ANK2: variants seen among roughly 807,000 people sequenced by gnomAD.
The protein encoded by ANK2 is ankyrin 2, also known as ankyrin-2.
A neutral mutation model predicts 360.5 loss-of-function variants in ANK2; 83 were observed. The ratio of observed to expected loss-of-function variants is 0.23; its 90% CI spans 0.19 to 0.28. The LOEUF (loss-of-function observed/expected upper bound fraction) is 0.28. Among genes scored for constraint, ANK2 ranks in the 10% least tolerant of loss-of-function variants. The pLI is 1.00. For missense variants in ANK2, 4,201 were observed against 4,795.7 expected (o/e 0.88, Z 3.66); for synonymous variants, 1,740 against 1,759.5 (o/e 0.99, Z 0.28).
In ANK2 at chr4:113,341,275, G is replaced by C. The variant is rs570414369; in HGVS notation, c.3894-413G>C. On this transcript the variant is annotated intron_variant, in intron 32 of 45. Coordinates refer to ENST00000357077, the MANE Select transcript of ANK2 (RefSeq NM_001148.6). ...AGGAAATGAAATGACAGCTAGGGAG[G>C]GGGGATCAAGGAAAATAGAAAACTA... Among the ~76,000 whole-genome samples the C allele has an allele frequency of 2.6e-5, 4 of 152,222 alleles. No homozygotes were observed. The South Asian group carries it at 8.3e-4, about 32-fold the overall frequency.
chr4:113,193,304 G>A (rs2098700119), intron 2 of ANK2, among the ~76,000 whole-genome samples: 1 of 152,186 alleles, frequency 6.6e-6, no homozygotes, highest in Non-Finnish European at 1.5e-5. Flanking sequence ...TCAGAAACCT[G>A]TGGAGACCAG....
chr4:112,887,876 A>G (rs1033627331), intron 1 of ANK2, among the ~76,000 whole-genome samples: 1 of 152,180 alleles, frequency 6.6e-6, no homozygotes, highest in African/African-American at 2.4e-5. Context: ...TTCTTGACAC[A>G]TAGTAAATAC....
At chr4:112,956,736 C>T (rs2095347063) in intron 2 of ANK2, among the ~76,000 whole-genome samples, 2 of 152,150 alleles carry the variant, frequency 1.3e-5, no homozygotes, top group Non-Finnish European at 1.5e-5. Flanking sequence ...AGTGAAACTT[C>T]GGATAAGGGA....
chr4:112,717,976 A>G, the ANK2 span, among the ~76,000 whole-genome samples: 3 of 152,236 alleles, frequency 2.0e-5, no homozygotes, highest in Non-Finnish European at 2.9e-5. Flanking sequence ...TGTTTTATGC[A>G]TGAATGCCTC....
intron 1 of ANK2, among the ~76,000 whole-genome samples, chr4:112,842,130 C>G (rs2062224648): frequency 6.6e-6 from 1 of 152,070 alleles, no homozygotes; most frequent in Non-Finnish European, 1.5e-5. Context: ...CTGCCTCAGC[C>G]TCCCCAGTAG....
At chr4:113,193,487 T>C (rs1197439159) in intron 2 of ANK2, among the ~76,000 whole-genome samples, 2 of 152,212 alleles carry the variant, frequency 1.3e-5, no homozygotes, top group African/African-American at 4.8e-5. Context: ...ATAAAAGATA[T>C]ATGGGCGTAA....
At chr4:113,337,233 A>G (rs2093658238) in intron 31 of ANK2, among the ~76,000 whole-genome samples, 2 of 152,224 alleles carry the variant, frequency 1.3e-5, no homozygotes, top group South Asian at 4.1e-4. Flanking sequence ...AATAGTTCAA[A>G]CCAAACTGTT....
At chr4:113,140,467 C>A (rs201195097) in intron 1 of ANK2, among the ~76,000 whole-genome samples, 83 of 152,172 alleles carry the variant, frequency 5.5e-4, no homozygotes, top group Non-Finnish European at 3.5e-4. Flanking sequence ...CTAAATATCA[C>A]GTTAGGATAG....
At chr4:113,038,249 G>A (rs2062041273) in intron 2 of ANK2, among the ~76,000 whole-genome samples, 2 of 151,998 alleles carry the variant, frequency 1.3e-5, no homozygotes, top group African/African-American at 4.8e-5. Flanking sequence ...GAATTGATTA[G>A]ACAGTAGCTC....
At chr4:113,225,758 T>C (rs183509229) in intron 4 of ANK2, among the ~76,000 whole-genome samples, 8 of 152,322 alleles carry the variant, frequency 5.3e-5, no homozygotes, top group Non-Finnish European at 1.0e-4. Flanking sequence ...CTACATCTGA[T>C]ATGTAAAAAT....
chr4:113,104,276 C>T (rs1253265955), intron 1 of ANK2, among the ~76,000 whole-genome samples: 1 of 151,904 alleles, frequency 6.6e-6, no homozygotes, highest in African/African-American at 2.4e-5. Flanking sequence ...GAAGTCTGGG[C>T]TGGGAAATGA....
At chr4:112,724,556 T>TACACACAC in the ANK2 span, among the ~76,000 whole-genome samples, 4,572 of 141,700 alleles carry the variant, frequency 0.032, 90 homozygotes, top group African/African-American at 0.049. Flanking sequence ...CACACACACA[T>TACACACAC]ACACACACAC....
chr4:113,051,195 G>A (rs1031320885), intron 1 of ANK2, among the ~76,000 whole-genome samples: 4 of 152,178 alleles, frequency 2.6e-5, no homozygotes, highest in African/African-American at 4.8e-5. Flanking sequence ...GAGAGAGCGC[G>A]AGCAAGCAAG....
chr4:113,355,680 T>C lies in ANK2; in HGVS notation c.7062T>C (p.Arg2354=), dbSNP rs2095711462. ...TEEAACDEGQ[R]TFGSSAHKTQ... is the part of the protein sequence containing the mutation. Reference sequence around the variant, plus strand: ...AGGCAGCCTGTGATGAAGGTCAACGTACCTTTGGTAGTTCAGCCCACAAGA... The same window carrying C: ...AGGCAGCCTGTGATGAAGGTCAACGCACCTTTGGTAGTTCAGCCCACAAGA... Residue 2354 remains arginine, a synonymous_variant, in exon 38 of 46, where the codon CGT becomes CGC. Transcript: ENST00000357077. The C allele has an allele frequency of 6.2e-7, 1 of 1,614,004 alleles. No individual in the cohort carries two copies. The highest frequency in any genetic ancestry group is 8.5e-7 in the Non-Finnish European group (1 of 1,179,988).
In ANK2 at chr4:113,357,250, A is replaced by C; in HGVS notation, c.8632A>C (p.Lys2878Gln). The change falls in exon 38 of 46, where the codon AAA becomes CAA. Residue 2878 changes from lysine (K) to glutamine (Q), a missense_variant. Lys to Gln is a moderately conservative substitution (Grantham distance 53, BLOSUM62 1). Transcript: ENST00000357077. ...TTCTATTCAAAAAACAGAGGTCACA[A>C]AAACTGATGAAACATTTGAGAACTT... is the stretch of plus-strand genomic sequence containing the variant. ...TSSIQKTEVTKTDETFENLPK... is the reference protein window; with the variant it reads ...TSSIQKTEVTQTDETFENLPK... 1 of 1,614,062 alleles carries C rather than the reference A, an allele frequency of 6.2e-7. No individual in the cohort carries two copies. The highest frequency in any genetic ancestry group is 1.7e-5 in the Admixed American group (1 of 60,018).
the ANK2 span, among the ~76,000 whole-genome samples, chr4:112,722,062 CT>C: frequency 6.6e-6 from 1 of 152,204 alleles, no homozygotes; most frequent in Non-Finnish European, 1.5e-5. Flanking sequence ...CATCCACAGG[CT>C]TTTGACTCTG....
intron 1 of ANK2, among the ~76,000 whole-genome samples, chr4:112,828,228 C>T (rs1162213602): frequency 7.6e-6 from 1 of 131,168 alleles, no homozygotes; most frequent in Non-Finnish European, 1.5e-5. Flanking sequence ...AGATGAATTA[C>T]GGACTTTTTT....
chr4:113,027,453 T>C (rs1023256364), intron 2 of ANK2, among the ~76,000 whole-genome samples: 5 of 152,098 alleles, frequency 3.3e-5, no homozygotes, highest in African/African-American at 9.7e-5. Flanking sequence ...TTTTTGCTGA[T>C]TGTTCAGAAC....
intron 23 of ANK2, among the ~76,000 whole-genome samples, chr4:113,303,330 A>G (rs2075835953): frequency 1.3e-5 from 2 of 152,200 alleles, no homozygotes; most frequent in Admixed American, 6.5e-5. Flanking sequence ...AGCCTTATAG[A>G]AGGTTTAAAA....
Sources: allele counts gnomAD v4.1 joint callset (sites outside exome capture counted in the v4.1 genomes callset), GRCh38; gene constraint gnomAD v4.1.1; transcripts MANE v1.5; gene names NCBI Gene and HGNC (gene_info 2026-07-23, HGNC 2026-07-21).